The following RBFOX1 variants were observed in gnomAD, a reference collection of about 807,000 sequenced individuals.
RBFOX1 encodes the protein RNA binding fox-1 homolog 1, also known as RNA binding protein fox-1 homolog 1.
Under a neutral mutation model 57.7 loss-of-function variants are expected in RBFOX1, and 8 were observed. That is an observed-to-expected ratio of 0.14 (90% CI 0.08 to 0.25). The LOEUF (loss-of-function observed/expected upper bound fraction) is 0.25. Among genes scored for constraint, RBFOX1 ranks in the 10% least tolerant of loss-of-function variants. RBFOX1 has a pLI of 1.00. For missense variants in RBFOX1, 611 were observed against 548.5 expected, an observed-to-expected ratio of 1.11 and a Z score of -1.14; for synonymous variants, 326 against 222.4, an observed-to-expected ratio of 1.47 and a Z score of -4.15.
intron 4 of RBFOX1, among the ~76,000 whole-genome samples, chr16:5,942,713 C>T (rs1384439229): frequency 2.6e-5 from 4 of 152,184 alleles, no homozygotes; most frequent in Non-Finnish European, 5.9e-5. Flanking sequence ...TACCCCCGAA[C>T]AACCAAGGGT....
intron 4 of RBFOX1, among the ~76,000 whole-genome samples, chr16:7,439,280 G>C (rs1476206352): frequency 6.6e-6 from 1 of 151,888 alleles, no homozygotes; most frequent in Non-Finnish European, 1.5e-5. Context: ...TCAGGTGCCA[G>C]TGACGGTGAT....
intron 3 of RBFOX1, among the ~76,000 whole-genome samples, chr16:5,682,845 T>C (rs2050384425): frequency 1.3e-5 from 2 of 152,214 alleles, no homozygotes; most frequent in African/African-American, 4.8e-5. Context: ...TGCTACTTTC[T>C]CTTTAAAAGT....
intron 4 of RBFOX1, among the ~76,000 whole-genome samples, chr16:7,476,318 G>C (rs1350320936): frequency 6.6e-6 from 1 of 152,178 alleles, no homozygotes; most frequent in Non-Finnish European, 1.5e-5. Flanking sequence ...ATTACAAGCT[G>C]TGGCCTTAAT....
intron 4 of RBFOX1, among the ~76,000 whole-genome samples, chr16:7,454,241 C>G (rs2058019361): frequency 6.6e-6 from 1 of 152,048 alleles, no homozygotes; most frequent in Admixed American, 6.6e-5. Context: ...CCCCACCAAC[C>G]CCCCCAAAAA....
chr16:5,447,245 A>T (rs1455031368), intron 1 of RBFOX1, among the ~76,000 whole-genome samples: 2 of 151,976 alleles, frequency 1.3e-5, no homozygotes, highest in East Asian at 3.9e-4. Flanking sequence ...GATTATAAGA[A>T]CTCAGAGCCT....
At chr16:5,927,983 T>G (rs1372988865) in intron 4 of RBFOX1, among the ~76,000 whole-genome samples, 1 of 152,170 alleles carries the variant, frequency 6.6e-6, no homozygotes, top group Non-Finnish European at 1.5e-5. Flanking sequence ...GAATAAAGTT[T>G]TGGTTAGACA....
chr16:7,054,691 A>G (rs1195639937), intron 4 of RBFOX1, among the ~76,000 whole-genome samples: 1 of 152,158 alleles, frequency 6.6e-6, no homozygotes, highest in African/African-American at 2.4e-5. Flanking sequence ...TTTAGTTACC[A>G]CATCGTTGAA....
At chr16:6,946,379 T>A (rs2079524678) in intron 3 of RBFOX1, among the ~76,000 whole-genome samples, 1 of 152,182 alleles carries the variant, frequency 6.6e-6, no homozygotes, top group Non-Finnish European at 1.5e-5. Context: ...CCTATATTGC[T>A]TATCTGTGCC....
chr16:5,507,849 C>T (rs1214205063), intron 2 of RBFOX1, among the ~76,000 whole-genome samples: 1 of 152,196 alleles, frequency 6.6e-6, no homozygotes, highest in Non-Finnish European at 1.5e-5. Flanking sequence ...CAAGGAGGGT[C>T]TCTTCCTAGA....
At chr16:6,075,069 A>G (rs2095879429) in intron 1 of RBFOX1, among the ~76,000 whole-genome samples, 1 of 152,220 alleles carries the variant, frequency 6.6e-6, no homozygotes. Context: ...TCACTAGAGA[A>G]GCTGGATGGT....
intron 3 of RBFOX1, among the ~76,000 whole-genome samples, chr16:5,645,249 C>A (rs1247153234): frequency 6.6e-5 from 7 of 105,306 alleles, no homozygotes; most frequent in African/African-American, 2.2e-4. Context: ...AGTTCCATCT[C>A]AAAAAAACAA....
intron 15 of RBFOX1, chr16:7,710,269 G>A: frequency 9.0e-7 from 1 of 1,106,026 alleles, no homozygotes; most frequent in Non-Finnish European, 1.1e-6. Flanking sequence ...ATGTGTTGGA[G>A]AGTTGAATTA....
intron 4 of RBFOX1, among the ~76,000 whole-genome samples, chr16:7,132,115 G>T (rs935548744): frequency 2.6e-5 from 4 of 151,102 alleles, no homozygotes; most frequent in Admixed American, 1.3e-4. Context: ...ACTCAGGCTG[G>T]AATTACAGGC....
chr16:5,360,427 G>A (rs1241296949), intron 1 of RBFOX1, among the ~76,000 whole-genome samples: 1 of 152,230 alleles, frequency 6.6e-6, no homozygotes, highest in Non-Finnish European at 1.5e-5. Context: ...AAGGTGCCAG[G>A]CTGGCTGGCT....
intron 9 of RBFOX1, among the ~76,000 whole-genome samples, chr16:7,603,701 G>A (rs1453751466): frequency 1.3e-5 from 2 of 152,166 alleles, no homozygotes; most frequent in South Asian, 2.1e-4. Flanking sequence ...AAAATGGCCA[G>A]TGTCACTGTA....
intron 2 of RBFOX1, among the ~76,000 whole-genome samples, chr16:6,422,725 G>C (rs1417143267): frequency 6.6e-6 from 1 of 152,114 alleles, no homozygotes; most frequent in South Asian, 2.1e-4. Flanking sequence ...TCTTTCACTA[G>C]CACAAAAATA....
At chr16:7,241,512 T>C (rs1033889419) in intron 4 of RBFOX1, among the ~76,000 whole-genome samples, 1 of 152,230 alleles carries the variant, frequency 6.6e-6, no homozygotes, top group African/African-American at 2.4e-5. Flanking sequence ...TTGAAAGTTA[T>C]TAAAATTTCA....
chr16:6,364,437 C>G (rs79000884), intron 2 of RBFOX1, among the ~76,000 whole-genome samples: 9,838 of 152,220 alleles, frequency 0.065, 384 homozygotes, highest in Non-Finnish European at 0.081. Context: ...TAACACCCAC[C>G]TTGCCAAGAA....
Position 5,956,678 on chromosome 16 carries a change from A to ATTTATATATATATATATATATATTTTT in RBFOX1, c.351+89346_351+89347insATATATATATATATATATATTTTTTTT, listed in dbSNP as rs1555456300. Among the ~76,000 whole-genome samples the ATTTATATATATATATATATATATTTTT allele has an allele frequency of 8.0e-4, 93 of 116,430 alleles. 1 individual carries two copies. Among genetic ancestry groups the ATTTATATATATATATATATATATTTTT allele is most frequent in the African/African-American group, 3.1e-3 (90 of 28,884 alleles). 76.4% of individuals were successfully genotyped at this position (116,430 alleles called of 152,430 possible). The stretch of plus-strand genomic sequence containing the variant: ...TATATTTATATATATATATATATAT[A>ATTTATATATATATATATATATATTTTT]TTTTTTTTGAGGCACAGTCTCATCC... On this transcript the variant is annotated intron_variant, in intron 4 of 19. Coordinates refer to the RBFOX1 transcript ENST00000641259.
Sources: allele counts gnomAD v4.1 joint callset (sites outside exome capture counted in the v4.1 genomes callset), GRCh38; gene constraint gnomAD v4.1.1; transcripts MANE v1.5; gene names NCBI Gene and HGNC (gene_info 2026-07-23, HGNC 2026-07-21).